The following SECISBP2L variants were observed in gnomAD, a reference collection of about 807,000 sequenced individuals.
The protein encoded by SECISBP2L is selenocysteine insertion sequence-binding protein 2-like.
In SECISBP2L, 43 loss-of-function variants were observed where a neutral mutation model predicts 114.7. That is an observed-to-expected ratio of 0.38 (90% CI 0.29 to 0.48). SECISBP2L has a LOEUF of 0.48. SECISBP2L is among the 20% of genes least tolerant of loss of function. SECISBP2L has a pLI of 0.98. For missense variants in SECISBP2L, 1,136 were observed against 1,301.1 expected, an observed-to-expected ratio of 0.87 and a Z score of 1.95; for synonymous variants, 451 against 439.7, an observed-to-expected ratio of 1.03 and a Z score of -0.32.
intron 13 of SECISBP2L, among the ~76,000 whole-genome samples, chr15:49,010,963 A>G (rs1291026878): frequency 2.0e-5 from 3 of 152,218 alleles, no homozygotes; most frequent in African/African-American, 7.2e-5. Context: ...TTGCTGAATG[A>G]ATGGATGGAT....
chr15:48,996,945 G>A (rs557880624), intron 16 of SECISBP2L, among the ~76,000 whole-genome samples: 81 of 152,244 alleles, frequency 5.3e-4, no homozygotes, highest in African/African-American at 1.9e-3. Flanking sequence ...CCTTCTATGT[G>A]GCTAGAAAAA....
intron 7 of SECISBP2L, among the ~76,000 whole-genome samples, chr15:49,026,869 C>T (rs563575185): frequency 6.6e-6 from 1 of 152,302 alleles, no homozygotes; most frequent in Admixed American, 6.5e-5. Context: ...CAGTGCACAG[C>T]CTGCTCTACT....
chr15:49,006,356 C>T (rs1315276413), intron 14 of SECISBP2L, among the ~76,000 whole-genome samples: 2 of 152,154 alleles, frequency 1.3e-5, no homozygotes, highest in Admixed American at 1.3e-4. Context: ...CAACTTGGTT[C>T]CATTCTCCTC....
chr15:49,011,489 C>T (rs546425650), intron 13 of SECISBP2L: 7 of 365,110 alleles, frequency 1.9e-5, no homozygotes, highest in Non-Finnish European at 2.9e-5. Flanking sequence ...TGAGAATTCA[C>T]TACAAATTCA....
intron 8 of SECISBP2L, among the ~76,000 whole-genome samples, chr15:49,018,142 T>C (rs1595789209): frequency 6.6e-6 from 1 of 152,282 alleles, no homozygotes. Flanking sequence ...TACAGTTGAG[T>C]ACATGTACTA....
chr15:49,035,608 T>C lies in SECISBP2L; in HGVS notation c.254A>G (p.Asn85Ser), dbSNP rs1470294800. ...NDIRWQQPNP[N>S]PTGPYFAYPI... is the part of the protein sequence containing the mutation. Reference sequence around the variant, plus strand: ...ATAGGCAAAGTATGGTCCAGTAGGGTTTGGATTGGGTTGTTGCCATCGTAT... The same window carrying C: ...ATAGGCAAAGTATGGTCCAGTAGGGCTTGGATTGGGTTGTTGCCATCGTAT... The change falls in exon 3 of 18, where the codon AAC becomes AGC. Residue 85 changes from asparagine to serine, a missense_variant. Coordinates refer to ENST00000559471, the MANE Select transcript of SECISBP2L (RefSeq NM_001193489.2). The C allele has an allele frequency of 6.2e-7, 1 of 1,613,936 alleles. No homozygotes were observed. The highest frequency in any genetic ancestry group is 8.5e-7 in the Non-Finnish European group (1 of 1,179,986).
chr15:49,036,120 T>G (rs1174808138), intron 2 of SECISBP2L, among the ~76,000 whole-genome samples: 1 of 152,200 alleles, frequency 6.6e-6, no homozygotes, highest in Non-Finnish European at 1.5e-5. Context: ...CAGCTCAATC[T>G]CAGAGCCTCC....
chr15:49,001,696 C>G (rs973562704), intron 14 of SECISBP2L: 1 of 152,150 alleles, frequency 6.6e-6, no homozygotes, highest in Admixed American at 6.5e-5. Context: ...CCTACTTATG[C>G]GTGAAAACAT....
intron 4 of SECISBP2L, 99 bp from the exon 5 acceptor site, chr15:49,028,781 T>C (rs1902818950): frequency 1.0e-6 from 1 of 1,003,218 alleles, no homozygotes; most frequent in Non-Finnish European, 1.5e-6. Context: ...GATACCAAAC[T>C]TCATAAATGA....
chr15:49,012,670 T>C lies in SECISBP2L; in HGVS notation c.1709A>G (p.Lys570Arg). The C allele has an allele frequency of 6.3e-7, 1 of 1,579,214 alleles. No individual in the cohort carries two copies. The highest frequency in any genetic ancestry group is 1.1e-5 in the South Asian group (1 of 90,444). ...KGKEKEIAKL[K>R]RPTALKKVIL... ...TACCTTTTTAAGTGCTGTGGGTCGT[T>C]TTAGTTTTGCAATTTCCTTCTCTTT... Residue 570 changes from lysine to arginine, a missense_variant, in exon 12 of 18, where the codon AAA becomes AGA. Physicochemically the swap from Lys to Arg is conservative, Grantham distance 26 (BLOSUM62 2). This residue lies in a region of SECISBP2L where 684 missense variants were observed against 848.7 expected (regional missense o/e 0.81). Coordinates refer to ENST00000559471, the MANE Select transcript of SECISBP2L (RefSeq NM_001193489.2).
At chr15:49,004,358 T>C (rs1902271441) in intron 14 of SECISBP2L, among the ~76,000 whole-genome samples, 1 of 152,200 alleles carries the variant, frequency 6.6e-6, no homozygotes, top group African/African-American at 2.4e-5. Flanking sequence ...GCAGTCTATT[T>C]TGTTAATCTT....
chr15:49,028,640 G>C lies in SECISBP2L; in HGVS notation c.707C>G (p.Thr236Ser). 1 of 1,614,184 alleles carries C rather than the reference G, an allele frequency of 6.2e-7. No individual in the cohort carries two copies. The highest frequency in any genetic ancestry group is 1.1e-5 in the South Asian group (1 of 91,082). The change falls in exon 5 of 18, where the codon ACT becomes AGT. Residue 236 changes from threonine (T) to serine (S), a missense_variant. By Grantham distance (58) the Thr-to-Ser change is moderately conservative. This residue lies in a region of SECISBP2L where 452 missense variants were observed against 452.3 expected (regional missense o/e 1.00). Transcript: ENST00000559471. ...DIANKSLSET[T>S]ATMLWKSKGR... is the part of the protein sequence containing the mutation. ...CTTGGACTTCCAGAGCATTGTTGCAGTGGTCTCTGAGAGAGACTTGTTAGC... is the reference window on the plus strand; with the variant it reads ...CTTGGACTTCCAGAGCATTGTTGCACTGGTCTCTGAGAGAGACTTGTTAGC...
intron 2 of SECISBP2L, among the ~76,000 whole-genome samples, chr15:49,036,986 T>C (rs1264174628): frequency 1.3e-5 from 2 of 152,168 alleles, no homozygotes; most frequent in Non-Finnish European, 2.9e-5. Context: ...TAAAATAAAC[T>C]ATACCAATGA....
In SECISBP2L at chr15:48,992,583, T is replaced by C. The variant is rs1416525265; in HGVS notation, c.2967A>G (p.Glu989=). 6.2e-7 allele frequency: 1 copy of C among 1,613,652 alleles called. No individual in the cohort carries two copies. The highest frequency in any genetic ancestry group is 8.5e-7 in the Non-Finnish European group (1 of 1,179,792). Residue 989 remains glutamate, a synonymous_variant, in exon 18 of 18, where the codon GAA becomes GAG. Transcript: ENST00000559471. ...CCTCCTCATCTTCATCTTCTTCTTC[T>C]TCAAGCATGCCAGGTACAAGAGTGC... ...TTSTLVPGML[E]EEEDEDEEEE...
intron 7 of SECISBP2L, among the ~76,000 whole-genome samples, chr15:49,026,154 A>C (rs1176607014): frequency 6.6e-6 from 1 of 152,224 alleles, no homozygotes; most frequent in Non-Finnish European, 1.5e-5. Flanking sequence ...GTTGTCACTC[A>C]CATGTGGAAG....
intron 1 of SECISBP2L, among the ~76,000 whole-genome samples, chr15:49,038,564 C>G (rs1443339676): frequency 6.6e-6 from 1 of 152,016 alleles, no homozygotes; most frequent in Non-Finnish European, 1.5e-5. Flanking sequence ...TAAGAGGAAT[C>G]TGGAGAGCTT....
chr15:49,013,169 TCTG>T (rs1369333152), intron 11 of SECISBP2L: 3 of 177,262 alleles, frequency 1.7e-5, no homozygotes, highest in Non-Finnish European at 3.5e-5. Context: ...TCCTACTGAA[TCTG>T]CTATTTGTCC....
rs1903251227 is a variant in SECISBP2L at position 49,046,350 on chromosome 15, G to C, written c.-51C>G. ...CGCTAGTCGGTGTAAACAGCGCCTCGGGCCGCTTTCTCCATGGCCCCCCGC... is the reference window on the plus strand; with the variant it reads ...CGCTAGTCGGTGTAAACAGCGCCTCCGGCCGCTTTCTCCATGGCCCCCCGC... On this transcript the variant is annotated 5_prime_UTR_variant, in exon 1 of 18. Transcript: ENST00000559471. 1 of 1,448,962 alleles carries C rather than the reference G, an allele frequency of 6.9e-7. No individual in the cohort carries two copies. The highest frequency in any genetic ancestry group is 9.1e-7 in the Non-Finnish European group (1 of 1,094,858). 89.8% of individuals were successfully genotyped at this position (1,448,962 alleles called of 1,614,324 possible).
At chr15:49,014,452 A>AG (rs1902497906) in intron 11 of SECISBP2L, among the ~76,000 whole-genome samples, 1 of 152,194 alleles carries the variant, frequency 6.6e-6, no homozygotes, top group Non-Finnish European at 1.5e-5. Flanking sequence ...TACATTCATA[A>AG]CTATATGCTA....
Sources: gnomAD v4.1 joint callset for allele counts (sites outside exome capture counted in the v4.1 genomes callset) on GRCh38, gnomAD v4.1.1 for gene constraint, gnomAD v4.1.1 regional missense constraint, MANE v1.5 for transcripts, NCBI Gene and HGNC (gene_info 2026-07-23, HGNC 2026-07-21) for gene names.